The following TTC17 variants were observed in gnomAD, a reference collection of about 807,000 sequenced individuals.
TTC17 encodes the protein tetratricopeptide repeat domain 17.
In TTC17, 58 loss-of-function variants were observed where a neutral mutation model predicts 143.8. That is an observed-to-expected ratio of 0.40 (90% CI 0.33 to 0.50). TTC17 has a LOEUF of 0.50. TTC17 is among the 20% of genes least tolerant of loss of function. TTC17 has a pLI of 0.49. For missense variants in TTC17, 1,273 were observed against 1,392.5 expected, an observed-to-expected ratio of 0.91 and a Z score of 1.37; for synonymous variants, 501 against 497.8, an observed-to-expected ratio of 1.01 and a Z score of -0.09.
chr11:43,428,496 A>G (rs759421009), intron 16 of TTC17, among the ~76,000 whole-genome samples: 1 of 152,208 alleles, frequency 6.6e-6, no homozygotes, highest in Non-Finnish European at 1.5e-5. Flanking sequence ...CACAGCCTAC[A>G]TGTCATGGTA....
At chr11:43,422,720 A>G (rs1235772355) in intron 16 of TTC17, among the ~76,000 whole-genome samples, 8 of 152,304 alleles carry the variant, frequency 5.3e-5, no homozygotes, top group Admixed American at 5.2e-4. Context: ...TGGGCAGAGA[A>G]TGAACCACTG....
At chr11:43,430,545 G>A (rs916794286) in intron 16 of TTC17, among the ~76,000 whole-genome samples, 2 of 152,126 alleles carry the variant, frequency 1.3e-5, no homozygotes, top group Non-Finnish European at 2.9e-5. Context: ...CTATTAAAAT[G>A]TCCTTTAGAG....
chr11:43,472,816 T>C (rs1269741122), intron 21 of TTC17, among the ~76,000 whole-genome samples: 1 of 149,902 alleles, frequency 6.7e-6, no homozygotes, highest in African/African-American at 2.5e-5. Flanking sequence ...TTACAGTATG[T>C]GTTCTCACCA....
chr11:43,387,522 A>G (rs1857214069), intron 2 of TTC17, among the ~76,000 whole-genome samples: 1 of 152,146 alleles, frequency 6.6e-6, no homozygotes, highest in South Asian at 2.1e-4. Context: ...AATAACCCCA[A>G]AAATCTTAAT....
chr11:43,416,299 C>A (rs10838101), intron 16 of TTC17, among the ~76,000 whole-genome samples: 1 of 151,874 alleles, frequency 6.6e-6, no homozygotes, highest in Non-Finnish European at 1.5e-5. Flanking sequence ...TTAATAGAAT[C>A]TCTTTTCTTA....
intron 20 of TTC17, 80 bp downstream of exon 20, chr11:43,450,321 G>A: frequency 7.0e-7 from 1 of 1,434,348 alleles, no homozygotes; most frequent in Non-Finnish European, 9.2e-7. Context: ...AAGCCCAGGT[G>A]ACCGGGCCTT....
intron 2 of TTC17, among the ~76,000 whole-genome samples, chr11:43,387,886 A>T (rs528084833): frequency 6.6e-6 from 1 of 152,232 alleles, no homozygotes; most frequent in African/African-American, 2.4e-5. Flanking sequence ...CATAATAAAT[A>T]TAACAAAATA....
At chr11:43,397,226 A>C in intron 6 of TTC17, 121 bp from the exon 7 acceptor site, 1 of 1,150,914 alleles carries the variant, frequency 8.7e-7, no homozygotes, top group African/African-American at 1.5e-5. Flanking sequence ...AAAATGAAAC[A>C]CTATGATTAT....
At chr11:43,359,381 G>A (rs1293481716) in intron 1 of TTC17, 7 of 430,588 alleles carry the variant, frequency 1.6e-5, no homozygotes, top group African/African-American at 1.2e-4. Context: ...TCGCCCAGCT[G>A]CGGGAGACGG....
intron 16 of TTC17, among the ~76,000 whole-genome samples, chr11:43,420,344 A>G (rs1946872331): frequency 6.6e-6 from 1 of 152,244 alleles, no homozygotes; most frequent in Non-Finnish European, 1.5e-5. Flanking sequence ...GGGACATTTT[A>G]TAAAAATGGT....
At chr11:43,439,361 A>G (rs376262123) in intron 16 of TTC17, among the ~76,000 whole-genome samples, 29 of 152,030 alleles carry the variant, frequency 1.9e-4, no homozygotes, top group African/African-American at 6.0e-4. Flanking sequence ...TCTTAAAGTG[A>G]GGTGCACAGA....
chr11:43,465,583 T>C (rs150600602), intron 21 of TTC17, among the ~76,000 whole-genome samples: 153 of 151,502 alleles, frequency 1.0e-3, no homozygotes, highest in African/African-American at 3.4e-3. Flanking sequence ...AAGAACTCAA[T>C]TGATGGGTAT....
At chr11:43,398,182 A>G in intron 8 of TTC17, 69 bp downstream of exon 8, 1 of 1,558,594 alleles carries the variant, frequency 6.4e-7, no homozygotes, top group Non-Finnish European at 8.7e-7. Flanking sequence ...TGTGTAGGGG[A>G]TATCAGTGTT....
intron 21 of TTC17, among the ~76,000 whole-genome samples, chr11:43,488,892 G>T (rs1948424276): frequency 6.6e-6 from 1 of 152,058 alleles, no homozygotes; most frequent in Non-Finnish European, 1.5e-5. Context: ...GTAGAGACAG[G>T]ATCTTGCTGT....
chr11:43,372,233 A>G (rs1856594731), intron 1 of TTC17, among the ~76,000 whole-genome samples: 3 of 152,072 alleles, frequency 2.0e-5, no homozygotes, highest in South Asian at 2.1e-4. Context: ...AAAAAATAGT[A>G]TAGTTCCTTT....
intron 21 of TTC17, among the ~76,000 whole-genome samples, chr11:43,461,779 A>G (rs924832532): frequency 6.6e-6 from 1 of 152,180 alleles, no homozygotes; most frequent in African/African-American, 2.4e-5. Flanking sequence ...AGGGAAGCAA[A>G]TAGAGTTTAA....
intron 16 of TTC17, among the ~76,000 whole-genome samples, chr11:43,428,671 A>G (rs1337835455): frequency 6.6e-6 from 1 of 152,256 alleles, no homozygotes; most frequent in Non-Finnish European, 1.5e-5. Flanking sequence ...GCAGAAACCA[A>G]TTCAGCTCTA....
chr11:43,367,478 T>A lies in TTC17; in HGVS notation c.159+8365T>A, dbSNP rs552161254. On this transcript the variant is annotated intron_variant, in intron 1 of 23. Transcript: ENST00000039989. ...AGATGAGAAATGGCAGCTGCACTGT[T>A]GAGGAGGGATTAGAACCAGCTGTGG... 5.1e-3 allele frequency among the ~76,000 whole-genome samples: 773 copies of A among 152,178 alleles called. 3 individuals are homozygous for A. The highest frequency in any genetic ancestry group is 8.3e-3 in the Non-Finnish European group (566 of 67,994).
At chr11:43,393,248 G>A (rs555558922) in intron 5 of TTC17, among the ~76,000 whole-genome samples, 4 of 152,184 alleles carry the variant, frequency 2.6e-5, no homozygotes, top group African/African-American at 7.2e-5. Context: ...GATGCCAGTC[G>A]CAAGTCAAGG....
Sources: gnomAD v4.1 joint callset for allele counts (sites outside exome capture counted in the v4.1 genomes callset) on GRCh38, gnomAD v4.1.1 for gene constraint, MANE v1.5 for transcripts, NCBI Gene and HGNC (gene_info 2026-07-23, HGNC 2026-07-21) for gene names.